TDG: variants seen among roughly 807,000 people sequenced by gnomAD.
TDG encodes the protein thymine DNA glycosylase.
Under a neutral mutation model 46.1 loss-of-function variants are expected in TDG, and 23 were observed. The observed-to-expected ratio is 0.50, with a 90% CI of 0.36 to 0.71. The LOEUF (loss-of-function observed/expected upper bound fraction) is 0.71, where lower values mean the gene tolerates loss of function less well. Ranked by LOEUF, TDG falls within the 30% of genes least tolerant of loss-of-function variation. TDG has a pLI of 0.00. For missense variants in TDG, 304 were observed against 486.7 expected (o/e 0.62, Z 3.53); for synonymous variants, 115 against 161.3 (o/e 0.71, Z 2.18).
intron 4 of TDG, among the ~76,000 whole-genome samples, chr12:103,982,092 T>C (rs1871869331): frequency 6.6e-6 from 1 of 152,234 alleles, no homozygotes; most frequent in South Asian, 2.1e-4. Context: ...TTGTCTTGTA[T>C]ATAAATCATC....
chr12:103,970,869 T>G (rs922790222), intron 1 of TDG, among the ~76,000 whole-genome samples: 1 of 152,156 alleles, frequency 6.6e-6, no homozygotes, highest in Non-Finnish European at 1.5e-5. Context: ...GAAAATATAG[T>G]CGACCTTCCA....
intron 8 of TDG, among the ~76,000 whole-genome samples, chr12:103,985,208 C>CACACACAT (rs969365828): frequency 6.8e-6 from 1 of 147,884 alleles, no homozygotes; most frequent in East Asian, 2.0e-4. Flanking sequence ...CACACACACA[C>CACACACAT]ATTACAGAAA....
At chr12:103,979,650 G>A (rs966951131) in intron 2 of TDG, among the ~76,000 whole-genome samples, 181 bp from the exon 3 acceptor site, 1 of 152,098 alleles carries the variant, frequency 6.6e-6, no homozygotes, top group Non-Finnish European at 1.5e-5. Flanking sequence ...GGGGTTGCAC[G>A]AACCCAGTTC....
At chr12:103,984,007 C>T (rs1387642706) in intron 7 of TDG, among the ~76,000 whole-genome samples, 1 of 152,168 alleles carries the variant, frequency 6.6e-6, no homozygotes, top group Non-Finnish European at 1.5e-5. Context: ...ACACAGTGCA[C>T]AGATTTACAT....
At chr12:103,984,667 A>T in intron 7 of TDG, 82 bp from the exon 8 acceptor site, 1 of 1,179,528 alleles carries the variant, frequency 8.5e-7, no homozygotes, top group Non-Finnish European at 1.1e-6. Flanking sequence ...ATTAACCCAA[A>T]TAAAGACAAA....
intron 1 of TDG, among the ~76,000 whole-genome samples, chr12:103,968,869 C>T (rs534754193): frequency 1.3e-5 from 2 of 152,348 alleles, no homozygotes; most frequent in Non-Finnish European, 2.9e-5. Flanking sequence ...TGGCTGACGC[C>T]TGTAATCCCA....
intron 3 of TDG, chr12:103,980,274 A>T (rs1871760447): frequency 1.6e-6 from 1 of 625,188 alleles, no homozygotes; most frequent in African/African-American, 1.9e-5. Context: ...TCTGGGTTCA[A>T]ATCCTGTCAC....
At chr12:103,986,717 A>G in intron 9 of TDG, 1 of 379,224 alleles carries the variant, frequency 2.6e-6, no homozygotes, top group Admixed American at 3.7e-5. Context: ...CGTCTCAAAA[A>G]GAAAAAAAAA....
At chr12:103,984,108 T>G (rs1472632733) in intron 7 of TDG, among the ~76,000 whole-genome samples, 1 of 152,218 alleles carries the variant, frequency 6.6e-6, no homozygotes. Flanking sequence ...CCTAAATATA[T>G]TTAAATTTCT....
chr12:103,968,772 C>T (rs1871170015), intron 1 of TDG, among the ~76,000 whole-genome samples: 1 of 152,204 alleles, frequency 6.6e-6, no homozygotes, highest in Non-Finnish European at 1.5e-5. Flanking sequence ...TGGAGTCTGT[C>T]CTCTGTTGAC....
In TDG at chr12:103,984,816, A is replaced by C; in HGVS notation, c.860A>C (p.His287Pro). 6.2e-7 allele frequency: 1 copy of C among 1,613,416 alleles called. No homozygotes were observed. The highest frequency in any genetic ancestry group is 8.5e-7 in the Non-Finnish European group (1 of 1,179,382). ...TTTCCTCGAGCCCAAGACAAAGTTC[A>C]TTACTACATAAAACTGAAGGACTTA... ...AQFPRAQDKV[H>P]YYIKLKDLRD... The change falls in exon 8 of 10, where the codon CAT (histidine) becomes CCT (proline). Residue 287 changes from histidine (H) to proline (P), a missense_variant. Physicochemically the swap from His to Pro is moderately conservative, Grantham distance 77 (BLOSUM62 -2). Coordinates refer to ENST00000392872, the MANE Select transcript of TDG (RefSeq NM_003211.6).
At chr12:103,971,913 G>T (rs778165838) in intron 1 of TDG, among the ~76,000 whole-genome samples, 1 of 152,048 alleles carries the variant, frequency 6.6e-6, no homozygotes, top group African/African-American at 2.4e-5. Context: ...TGGATACCCC[G>T]AGAGGATAAA....
At chr12:103,970,686 G>A (rs192430475) in intron 1 of TDG, among the ~76,000 whole-genome samples, 2 of 150,772 alleles carry the variant, frequency 1.3e-5, no homozygotes, top group South Asian at 2.1e-4. Context: ...GTTGGAGGCT[G>A]CAGCCAACTA....
intron 4 of TDG, 55 bp downstream of exon 4, chr12:103,981,017 A>ATCTTTGTTAATT: frequency 6.7e-7 from 1 of 1,491,590 alleles, no homozygotes; most frequent in Non-Finnish European, 9.2e-7. Context: ...CTTTGTTAAC[A>ATCTTTGTTAATT]GGTTTTTTCA....
intron 1 of TDG, among the ~76,000 whole-genome samples, chr12:103,976,549 AT>A (rs1259367355): frequency 3.4e-4 from 52 of 152,262 alleles, no homozygotes; most frequent in African/African-American, 1.1e-3. Context: ...AGGGGCACAA[AT>A]TGTATTTGGG....
At chr12:103,967,465 T>TC (rs1871096106) in intron 1 of TDG, among the ~76,000 whole-genome samples, 1 of 150,636 alleles carries the variant, frequency 6.6e-6, no homozygotes, top group African/African-American at 2.4e-5. Flanking sequence ...ACTTTTTTTT[T>TC]TTTTTTTTTT....
chr12:103,969,683 T>C (rs957677974), intron 1 of TDG, among the ~76,000 whole-genome samples: 2 of 152,046 alleles, frequency 1.3e-5, no homozygotes, highest in African/African-American at 4.8e-5. Flanking sequence ...TGATAAAGTG[T>C]GGAATGAGGG....
At chr12:103,968,629 C>G (rs1593506328) in intron 1 of TDG, among the ~76,000 whole-genome samples, 2 of 152,188 alleles carry the variant, frequency 1.3e-5, no homozygotes, top group Non-Finnish European at 2.9e-5. Context: ...TTCAGGTGTT[C>G]TAACAGAATC....
chr12:103,982,423 G>T lies in TDG; in HGVS notation c.479-376G>T, dbSNP rs144399240. ...GCTATATATTCTTGGGCAGGCATTT[G>T]CCTCAACCCCCTGTGAAAAGGAGAT... On this transcript the variant is annotated intron_variant, in intron 4 of 9. Coordinates refer to ENST00000392872, the MANE Select transcript of TDG (RefSeq NM_003211.6). Among the ~76,000 whole-genome samples, 7 of 152,280 alleles carry T rather than the reference G, an allele frequency of 4.6e-5. No individual in the cohort carries two copies. The East Asian group carries it at 1.4e-3, about 29-fold the overall frequency.
Sources: gnomAD v4.1 joint callset for allele counts (sites outside exome capture counted in the v4.1 genomes callset) on GRCh38, gnomAD v4.1.1 for gene constraint, MANE v1.5 for transcripts, NCBI Gene and HGNC (gene_info 2026-07-23, HGNC 2026-07-21) for gene names.